The following CEP70 variants were observed in gnomAD, a reference collection of about 807,000 sequenced individuals.
CEP70 encodes the protein centrosomal protein 70, also known as centrosomal protein of 70 kDa.
In CEP70, 70 loss-of-function variants were observed where a neutral mutation model predicts 90.9. That is an observed-to-expected ratio of 0.77 (90% CI 0.64 to 0.94). CEP70 has a LOEUF of 0.94. Among genes scored for constraint, CEP70 ranks in the 40% least tolerant of loss-of-function variants. The pLI is 0.00. For missense variants in CEP70, 648 were observed against 669.0 expected (o/e 0.97, Z 0.35); for synonymous variants, 220 against 228.3 (o/e 0.96, Z 0.33).
intron 11 of CEP70, among the ~76,000 whole-genome samples, chr3:138,517,130 T>C (rs1458065504): frequency 6.6e-6 from 1 of 152,256 alleles, no homozygotes. Flanking sequence ...TCTAATTTCA[T>C]TGATTCTCTT....
intron 10 of CEP70, among the ~76,000 whole-genome samples, chr3:138,526,949 T>G (rs1035664194): frequency 1.3e-5 from 2 of 152,206 alleles, no homozygotes; most frequent in African/African-American, 4.8e-5. Context: ...AGCTGTAATT[T>G]GTCAATTAGC....
intron 16 of CEP70, among the ~76,000 whole-genome samples, chr3:138,498,939 A>G (rs987430476): frequency 4.0e-5 from 6 of 151,736 alleles, no homozygotes; most frequent in African/African-American, 1.5e-4. Flanking sequence ...CCAGCCACTC[A>G]GGAGGCTGAG....
chr3:138,508,619 A>G (rs2035216228), intron 11 of CEP70, 75 bp from the exon 12 acceptor site: 6 of 920,244 alleles, frequency 6.5e-6, no homozygotes, highest in Admixed American at 1.7e-5. Flanking sequence ...AACTAAGTCA[A>G]TGATCCAGCC....
At chr3:138,506,809 G>A (rs961976555) in intron 12 of CEP70, among the ~76,000 whole-genome samples, 3 of 152,096 alleles carry the variant, frequency 2.0e-5, no homozygotes, top group African/African-American at 7.2e-5. Context: ...TGGTGTGAAC[G>A]GAGCTCACTG....
intron 6 of CEP70, among the ~76,000 whole-genome samples, chr3:138,543,405 C>T (rs928222113): frequency 9.2e-5 from 14 of 152,088 alleles, no homozygotes; most frequent in African/African-American, 1.2e-4. Flanking sequence ...TGACAGCACC[C>T]GTGCTCAGCC....
intron 14 of CEP70, 26 bp from the exon 15 acceptor site, chr3:138,500,593 A>C: frequency 5.8e-6 from 9 of 1,565,172 alleles, no homozygotes; most frequent in Non-Finnish European, 7.7e-6. Flanking sequence ...GTAAAAAAGA[A>C]AGAGTTCATT....
chr3:138,562,465 T>G (rs1017233668), intron 6 of CEP70, among the ~76,000 whole-genome samples: 3 of 152,106 alleles, frequency 2.0e-5, no homozygotes, highest in African/African-American at 7.2e-5. Flanking sequence ...GAGAAAAAGG[T>G]TGGGGTTACC....
intron 13 of CEP70, among the ~76,000 whole-genome samples, chr3:138,501,830 G>C (rs2034535660): frequency 6.6e-6 from 1 of 152,130 alleles, no homozygotes. Flanking sequence ...CTGAAACTCT[G>C]AGCAACAACA....
intron 7 of CEP70, among the ~76,000 whole-genome samples, chr3:138,535,722 C>A (rs1178732456): frequency 6.6e-6 from 1 of 152,138 alleles, no homozygotes; most frequent in Non-Finnish European, 1.5e-5. Flanking sequence ...CAAGTTCTCT[C>A]AGTGCTTCTC....
intron 11 of CEP70, among the ~76,000 whole-genome samples, chr3:138,510,488 T>C (rs2035425045): frequency 6.6e-6 from 1 of 151,690 alleles, no homozygotes; most frequent in South Asian, 2.1e-4. Context: ...TTTTGAATGC[T>C]AGCCCAAGGA....
chr3:138,500,072 A>G, intron 16 of CEP70, 38 bp downstream of exon 16: 1 of 1,397,292 alleles, frequency 7.2e-7, no homozygotes, highest in Non-Finnish European at 1.0e-6. Context: ...ACACCCAGCC[A>G]TTCTGGATGA....
At chr3:138,498,466 T>TAGCC (rs1167477183) in intron 16 of CEP70, among the ~76,000 whole-genome samples, 1 of 151,164 alleles carries the variant, frequency 6.6e-6, no homozygotes, top group Non-Finnish European at 1.5e-5. Context: ...GCCTCTCGAG[T>TAGCC]AGCCTCCTGT....
intron 6 of CEP70, among the ~76,000 whole-genome samples, chr3:138,562,036 A>G (rs1383636253): frequency 1.3e-5 from 2 of 151,334 alleles, no homozygotes; most frequent in Non-Finnish European, 2.9e-5. Context: ...AAAAAAAAAA[A>G]AAGAAGAACT....
At chr3:138,524,637 T>G (rs1214458190) in intron 11 of CEP70, among the ~76,000 whole-genome samples, 1 of 152,166 alleles carries the variant, frequency 6.6e-6, no homozygotes, top group Non-Finnish European at 1.5e-5. Flanking sequence ...AGAAGACATT[T>G]ATGCAGCCAA....
chr3:138,524,759 A>G (rs1258218813), intron 11 of CEP70, among the ~76,000 whole-genome samples: 1 of 152,128 alleles, frequency 6.6e-6, no homozygotes, highest in African/African-American at 2.4e-5. Context: ...AAAAGTCAGG[A>G]AACAACAGGT....
At chr3:138,523,280 C>T (rs1262914171) in intron 11 of CEP70, among the ~76,000 whole-genome samples, 1 of 152,120 alleles carries the variant, frequency 6.6e-6, no homozygotes, top group Non-Finnish European at 1.5e-5. Flanking sequence ...ACTGAATGGG[C>T]AAAAACTGGA....
At position 138,524,600 on chromosome 3, in the gene CEP70, A is replaced by G. The variant is rs551321538; in HGVS notation, c.944+890T>C. Among the ~76,000 whole-genome samples, 693 of 152,328 alleles carry G rather than the reference A, an allele frequency of 4.5e-3. 4 individuals are homozygous for G. Among genetic ancestry groups the G allele is most frequent in the African/African-American group, 0.016 (667 of 41,552 alleles). ...CAAACAACCCCATCAACAAGTGGGC[A>G]AAGGATATGAACAGACACTTCTCAA... On this transcript the variant is annotated intron_variant, in intron 11 of 17. Coordinates refer to ENST00000264982, the MANE Select transcript of CEP70 (RefSeq NM_024491.4).
At chr3:138,521,799 T>C (rs994511305) in intron 11 of CEP70, among the ~76,000 whole-genome samples, 5 of 152,186 alleles carry the variant, frequency 3.3e-5, no homozygotes, top group African/African-American at 7.2e-5. Flanking sequence ...CAACAGCTCA[T>C]TGAGAACAAG....
intron 6 of CEP70, among the ~76,000 whole-genome samples, chr3:138,568,499 C>G (rs2040936856): frequency 6.6e-6 from 1 of 152,162 alleles, no homozygotes; most frequent in South Asian, 2.1e-4. Flanking sequence ...GGCACAGCAC[C>G]TTTACAGCTT....
Sources: gnomAD v4.1 joint callset for allele counts (sites outside exome capture counted in the v4.1 genomes callset) on GRCh38, gnomAD v4.1.1 for gene constraint, MANE v1.5 for transcripts, NCBI Gene and HGNC (gene_info 2026-07-23, HGNC 2026-07-21) for gene names.